The following CEP135 variants were observed in gnomAD, a reference collection of about 807,000 sequenced individuals.
CEP135 encodes the protein centrosomal protein of 135 kDa.
CEP135 carries 142 observed loss-of-function variants against 157.3 expected under a neutral mutation model. The observed-to-expected ratio is 0.90, with a 90% CI of 0.79 to 1.04. CEP135 has a LOEUF of 1.04. Among genes scored for constraint, CEP135 ranks in the 50% least tolerant of loss-of-function variants. The probability of loss-of-function intolerance (pLI) is 0.00; values close to 1 mark genes in which losing one functional copy is unlikely to be tolerated. For missense variants in CEP135, 1,317 were observed against 1,309.2 expected, an observed-to-expected ratio of 1.01 and a Z score of -0.09; for synonymous variants, 396 against 439.8, an observed-to-expected ratio of 0.90 and a Z score of 1.25.
intron 25 of CEP135, among the ~76,000 whole-genome samples, chr4:56,026,205 T>C (rs1216120168): frequency 6.6e-6 from 1 of 151,902 alleles, no homozygotes; most frequent in Non-Finnish European, 1.5e-5. Context: ...TGAGACTCCA[T>C]CCAAAAAAAT....
intron 22 of CEP135, among the ~76,000 whole-genome samples, chr4:56,018,641 C>A (rs768441209): frequency 3.9e-5 from 6 of 151,926 alleles, no homozygotes; most frequent in Non-Finnish European, 5.9e-5. Flanking sequence ...GCCTATAGTC[C>A]CAGCTACTCG....
At chr4:55,969,234 C>A in intron 9 of CEP135, 106 bp downstream of exon 9, 1 of 831,794 alleles carries the variant, frequency 1.2e-6, no homozygotes, top group South Asian at 1.6e-5. Context: ...ACCATCCAGC[C>A]ACATCAACAT....
chr4:55,981,136 GC>G (rs1376127650), intron 12 of CEP135, 90 bp from the exon 13 acceptor site: 2 of 1,175,144 alleles, frequency 1.7e-6, no homozygotes, highest in East Asian at 2.8e-5. Flanking sequence ...TGTTCAGTAT[GC>G]CTTTTTTAAC....
intron 7 of CEP135, chr4:55,965,390 CTG>C: frequency 2.8e-6 from 1 of 355,532 alleles, no homozygotes; most frequent in South Asian, 3.0e-5. Flanking sequence ...GTATAGAACT[CTG>C]TATTGGGAAA....
intron 5 of CEP135, among the ~76,000 whole-genome samples, chr4:55,957,914 T>C (rs1560397689): frequency 2.0e-5 from 3 of 152,180 alleles, no homozygotes; most frequent in Non-Finnish European, 4.4e-5. Flanking sequence ...TTTGAGAAGC[T>C]TGTAGTCCAG....
chr4:55,997,083 G>A (rs758152455), intron 15 of CEP135, among the ~76,000 whole-genome samples: 4 of 152,102 alleles, frequency 2.6e-5, no homozygotes, highest in African/African-American at 7.2e-5. Context: ...CTAAGAAACT[G>A]GTTCATTTTT....
chr4:55,980,129 T>A lies in CEP135; in HGVS notation c.1474-14T>A. ...GTGGTGATGATTATATTTTGTTTTT[T>A]AATTATGTTTCAGGGTGATTACAAT... is the stretch of plus-strand genomic sequence containing the variant. On this transcript the variant is annotated splice_polypyrimidine_tract_variant and intron_variant, in intron 11 of 25. Transcript: ENST00000257287. 1 of 1,597,544 alleles carries A rather than the reference T, an allele frequency of 6.3e-7. No individual in the cohort carries two copies. Among genetic ancestry groups the A allele is most frequent in the Non-Finnish European group, 8.5e-7 (1 of 1,171,456 alleles).
chr4:56,000,158 C>G (rs1490291842), intron 17 of CEP135, among the ~76,000 whole-genome samples: 2 of 151,994 alleles, frequency 1.3e-5, no homozygotes, highest in Non-Finnish European at 2.9e-5. Context: ...CCACTGCACT[C>G]CAGCCTGGGT....
intron 25 of CEP135, among the ~76,000 whole-genome samples, chr4:56,030,693 G>A (rs887281366): frequency 5.3e-5 from 8 of 152,040 alleles, no homozygotes; most frequent in Non-Finnish European, 1.2e-4. Context: ...GGGTTCAAGC[G>A]ATCCTCCTGC....
At chr4:55,975,618 C>A (rs1729184193) in intron 11 of CEP135, among the ~76,000 whole-genome samples, 1 of 152,126 alleles carries the variant, frequency 6.6e-6, no homozygotes, top group Non-Finnish European at 1.5e-5. Context: ...TATTTTAGGT[C>A]TTAATTATTT....
chr4:56,017,632 C>G lies in CEP135; in HGVS notation c.2803-16C>G. 6.5e-7 allele frequency: 1 copy of G among 1,546,612 alleles called. No individual in the cohort carries two copies. Among genetic ancestry groups the G allele is most frequent in the Non-Finnish European group, 8.7e-7 (1 of 1,147,886 alleles). ...GGTTATTTTAACTTTTTACTTGTTT[C>G]TTTTTCTTTTTTCAGCACATAAATG... On this transcript the variant is annotated splice_polypyrimidine_tract_variant and intron_variant, in intron 21 of 25. Transcript: ENST00000257287.
chr4:55,952,880 CAGATCTCATGAGGCA>C (rs1560395063), intron 2 of CEP135, among the ~76,000 whole-genome samples, 190 bp from the exon 3 acceptor site: 1 of 152,082 alleles, frequency 6.6e-6, no homozygotes, highest in Non-Finnish European at 1.5e-5. Flanking sequence ...TTACAATGGC[CAGATCTCATGAGGCA>C]ATAGGAATTT....
At chr4:55,995,848 A>G (rs569349838) in intron 15 of CEP135, among the ~76,000 whole-genome samples, 1 of 152,274 alleles carries the variant, frequency 6.6e-6, no homozygotes, top group African/African-American at 2.4e-5. Flanking sequence ...ACTGCGAGCT[A>G]TGAGGCTCTA....
intron 13 of CEP135, among the ~76,000 whole-genome samples, chr4:55,981,976 A>G (rs1729426249): frequency 6.6e-6 from 1 of 152,152 alleles, no homozygotes; most frequent in African/African-American, 2.4e-5. Flanking sequence ...ACCTCCTGAT[A>G]AACCCATAAC....
chr4:55,969,277 A>C, intron 9 of CEP135, 149 bp downstream of exon 9: 1 of 589,680 alleles, frequency 1.7e-6, no homozygotes, highest in Non-Finnish European at 3.0e-6. Flanking sequence ...AAATACAAAA[A>C]TTAGCTGGGA....
chr4:55,953,930 A>G (rs759129759), intron 3 of CEP135, among the ~76,000 whole-genome samples: 2 of 152,218 alleles, frequency 1.3e-5, no homozygotes, highest in South Asian at 2.1e-4. Flanking sequence ...AATCCATGGT[A>G]TGAATTCATA....
Position 56,010,390 on chromosome 4 carries a change from G to A in CEP135, c.2505+487G>A, listed in dbSNP as rs1232005744. On this transcript the variant is annotated intron_variant, in intron 19 of 25. Coordinates refer to ENST00000257287, the MANE Select transcript of CEP135 (RefSeq NM_025009.5). ...AAAAAAAAAAAAAATGGGCAACAGC[G>A]TGAGACTCTGTCAAAAAAAAAACAC... Among the ~76,000 whole-genome samples the A allele has an allele frequency of 8.0e-5, 12 of 150,634 alleles. 1 individual carries two copies. In the East Asian group the frequency reaches 1.6e-3, roughly 20 times the overall value.
At chr4:56,020,273 G>C (rs1730930283) in intron 23 of CEP135, among the ~76,000 whole-genome samples, 1 of 152,144 alleles carries the variant, frequency 6.6e-6, no homozygotes, top group South Asian at 2.1e-4. Context: ...TTTTAGAATA[G>C]AAGGATTTAG....
chr4:56,007,264 T>C (rs1348677170), intron 17 of CEP135, among the ~76,000 whole-genome samples: 5 of 152,186 alleles, frequency 3.3e-5, no homozygotes, highest in Non-Finnish European at 7.3e-5. Flanking sequence ...TTCATTATAC[T>C]TTTTTTCCTA....
Sources: allele counts gnomAD v4.1 joint callset (sites outside exome capture counted in the v4.1 genomes callset), GRCh38; gene constraint gnomAD v4.1.1; transcripts MANE v1.5; gene names NCBI Gene and HGNC (gene_info 2026-07-23, HGNC 2026-07-21).